The following OTOGL variants were observed in gnomAD, a reference collection of about 807,000 sequenced individuals.
OTOGL encodes the protein otogelin-like protein.
OTOGL carries 285 observed loss-of-function variants against 318.5 expected under a neutral mutation model. The observed-to-expected ratio is 0.89, with a 90% CI of 0.81 to 0.99. The LOEUF (loss-of-function observed/expected upper bound fraction) is 0.99, where lower values mean the gene tolerates loss of function less well. Among genes scored for constraint, OTOGL ranks in the 50% least tolerant of loss-of-function variants. The probability of loss-of-function intolerance (pLI) is 0.00; values close to 1 mark genes in which losing one functional copy is unlikely to be tolerated. For missense variants in OTOGL, 2,899 were observed against 2,845.6 expected, an observed-to-expected ratio of 1.02 and a Z score of -0.43; for synonymous variants, 987 against 936.5, an observed-to-expected ratio of 1.05 and a Z score of -0.99.
chr12:80,312,121 T>G (rs1886672352), intron 30 of OTOGL, among the ~76,000 whole-genome samples: 1 of 152,178 alleles, frequency 6.6e-6, no homozygotes, highest in African/African-American at 2.4e-5. Flanking sequence ...AAAAATGATA[T>G]TTTTTGAGTT....
At chr12:80,343,826 G>C (rs1318344201) in intron 44 of OTOGL, 2 of 152,238 alleles carry the variant, frequency 1.3e-5, no homozygotes, top group East Asian at 3.9e-4. Flanking sequence ...GTGGTTGGTT[G>C]AATCTATGGA....
At chr12:80,107,576 C>T (rs1351173658) in intron 1 of OTOGL, among the ~76,000 whole-genome samples, 4 of 152,054 alleles carry the variant, frequency 2.6e-5, no homozygotes, top group African/African-American at 4.8e-5. Flanking sequence ...AATTACCGTT[C>T]GACCTAGCAA....
At position 80,267,191 on chromosome 12, in the gene OTOGL, T is replaced by C. The variant is rs1034001369; in HGVS notation, c.2391-62T>C. On this transcript the variant is annotated intron_variant, in intron 21 of 58. Coordinates refer to ENST00000547103, the MANE Select transcript of OTOGL (RefSeq NM_001378609.3). ...GACCAATGGAGAGCACAAGGTCAGC[T>C]TGAATTTTAGTGGTTTTTGAAAAAA... 22 of 1,102,130 alleles carry C rather than the reference T, an allele frequency of 2.0e-5. No individual in the cohort carries two copies. The Admixed American group carries it at 5.0e-4, about 25-fold the overall frequency. The allele number at this position is 1,102,130 out of a possible 1,614,324, so 68.3% of individuals were successfully genotyped here.
chr12:80,210,735 A>T (rs1187339017), intron 2 of OTOGL, 112 bp from the exon 3 acceptor site: 7 of 811,616 alleles, frequency 8.6e-6, no homozygotes, highest in Non-Finnish European at 1.2e-5. Flanking sequence ...CTAACAGCAA[A>T]CTTCAATCAG....
intron 1 of OTOGL, among the ~76,000 whole-genome samples, chr12:80,188,542 A>T (rs191158409): frequency 0.01 from 1,530 of 149,478 alleles, 30 homozygotes; most frequent in African/African-American, 0.035. Context: ...TGTCTCAAAA[A>T]AAAAATAATA....
intron 1 of OTOGL, among the ~76,000 whole-genome samples, chr12:80,146,594 C>T (rs1156853076): frequency 1.3e-5 from 2 of 151,704 alleles, no homozygotes; most frequent in South Asian, 4.1e-4. Flanking sequence ...GGGAGGATTC[C>T]CTCTTTTTCT....
chr12:80,333,128 C>T (rs767227587), intron 38 of OTOGL, 50 bp downstream of exon 38: 1 of 1,475,280 alleles, frequency 6.8e-7, no homozygotes, highest in Non-Finnish European at 9.3e-7. Flanking sequence ...ATATATCATC[C>T]ATTCAAATTT....
intron 11 of OTOGL, among the ~76,000 whole-genome samples, chr12:80,239,814 C>T (rs1880213828): frequency 6.6e-6 from 1 of 152,016 alleles, no homozygotes; most frequent in Non-Finnish European, 1.5e-5. Flanking sequence ...ACTTTTCTAT[C>T]CAACACCAGG....
chr12:80,229,846 A>G (rs1879207897), intron 8 of OTOGL, among the ~76,000 whole-genome samples: 1 of 151,964 alleles, frequency 6.6e-6, no homozygotes, highest in African/African-American at 2.4e-5. Context: ...GTCACTTGAG[A>G]TTTTCCACGG....
At position 80,239,821 on chromosome 12, in the gene OTOGL, C is replaced by A. The variant is rs571782746; in HGVS notation, c.1052+382C>A. ...TCCCCCCTACTTTTCTATCCAACAC[C>A]AGGTCTTATTTCTTCTACATGTACA... On this transcript the variant is annotated intron_variant, in intron 11 of 58. Coordinates refer to ENST00000547103, the MANE Select transcript of OTOGL (RefSeq NM_001378609.3). Among the ~76,000 whole-genome samples, 3 of 152,066 alleles carry A rather than the reference C, an allele frequency of 2.0e-5. No homozygotes were observed. The East Asian group carries it at 5.8e-4, about 29-fold the overall frequency.
chr12:80,166,325 T>A (rs1407374380), intron 1 of OTOGL, among the ~76,000 whole-genome samples: 2 of 152,156 alleles, frequency 1.3e-5, no homozygotes, highest in South Asian at 4.1e-4. Flanking sequence ...ATTCACCTTC[T>A]ACATTATTAG....
chr12:80,356,426 G>A lies in OTOGL; in HGVS notation c.5817G>A (p.Thr1939=), dbSNP rs568463742. The change falls in exon 48 of 59, where the codon ACG becomes ACA. Residue 1939 remains threonine (T), a synonymous_variant. Transcript: ENST00000547103. ...CCSKEVCGCD[T]TLCETSIPTC... ...TTTTCTTATTTATAGGATGTGACAC[G>A]ACTTTGTGTGAAACTAGCATTCCAA... The A allele has an allele frequency of 2.1e-5, 33 of 1,609,090 alleles. No homozygotes were observed. The highest frequency in any genetic ancestry group is 4.5e-5 in the East Asian group (2 of 44,728).
chr12:80,271,246 T>A (rs1344516639), intron 23 of OTOGL, among the ~76,000 whole-genome samples: 2 of 152,088 alleles, frequency 1.3e-5, no homozygotes, highest in African/African-American at 4.8e-5. Flanking sequence ...CCCAAAAGCT[T>A]TCTGGAAGAA....
chr12:80,219,181 G>A (rs1300343658), intron 5 of OTOGL, among the ~76,000 whole-genome samples: 2 of 151,906 alleles, frequency 1.3e-5, no homozygotes, highest in South Asian at 2.1e-4. Context: ...GCGTGATCTC[G>A]GCTCACTGCA....
At chr12:80,161,719 A>G (rs908759754) in intron 1 of OTOGL, among the ~76,000 whole-genome samples, 2 of 152,102 alleles carry the variant, frequency 1.3e-5, no homozygotes, top group Non-Finnish European at 2.9e-5. Context: ...AAGGTTTGGG[A>G]TAAGAGGACA....
intron 14 of OTOGL, among the ~76,000 whole-genome samples, chr12:80,253,810 G>A (rs1000989127): frequency 6.6e-6 from 1 of 151,934 alleles, no homozygotes; most frequent in Non-Finnish European, 1.5e-5. Flanking sequence ...TAATGAGTCT[G>A]TTGCATTTTC....
At chr12:80,231,271 A>G (rs1054943213) in intron 8 of OTOGL, among the ~76,000 whole-genome samples, 1 of 152,176 alleles carries the variant, frequency 6.6e-6, no homozygotes, top group African/African-American at 2.4e-5. Context: ...CCTCATATTT[A>G]TAATTTTTAA....
chr12:80,255,522 T>G (rs937111296), intron 16 of OTOGL, among the ~76,000 whole-genome samples: 1 of 151,318 alleles, frequency 6.6e-6, no homozygotes, highest in Non-Finnish European at 1.5e-5. Context: ...GTACGTATAG[T>G]TTTTTGAACA....
intron 55 of OTOGL, among the ~76,000 whole-genome samples, chr12:80,368,862 T>G (rs576619658): frequency 6.6e-6 from 1 of 151,516 alleles, no homozygotes; most frequent in African/African-American, 2.4e-5. Context: ...TAATTCTATC[T>G]CTTAAAGCAA....
Sources: allele counts gnomAD v4.1 joint callset (sites outside exome capture counted in the v4.1 genomes callset), GRCh38; gene constraint gnomAD v4.1.1; transcripts MANE v1.5; gene names NCBI Gene and HGNC (gene_info 2026-07-23, HGNC 2026-07-21).